Variants in F13A1 observed in about 807,000 individuals in gnomAD.
F13A1 encodes coagulation factor XIII A chain, also known as FSF, A subunit.
Under a neutral mutation model 80.1 loss-of-function variants are expected in F13A1, and 47 were observed. The observed-to-expected ratio is 0.59, with a 90% CI of 0.46 to 0.75. F13A1 has a LOEUF of 0.75. F13A1 is among the 30% of genes least tolerant of loss of function. F13A1 has a pLI of 0.00. For missense variants in F13A1, 817 were observed against 930.4 expected (o/e 0.88, Z 1.59); for synonymous variants, 349 against 344.9 (o/e 1.01, Z -0.13).
chr6:6,282,653 G>A (rs1392625034), intron 3 of F13A1, among the ~76,000 whole-genome samples: 1 of 152,214 alleles, frequency 6.6e-6, no homozygotes, highest in East Asian at 1.9e-4. Context: ...GCTGCTGGGA[G>A]TGATGACAGA....
intron 6 of F13A1, among the ~76,000 whole-genome samples, chr6:6,231,434 A>AT (rs1484603891): frequency 1.3e-5 from 2 of 152,106 alleles, no homozygotes; most frequent in Non-Finnish European, 2.9e-5. Flanking sequence ...ATTATGTTAA[A>AT]TGACCAAAGC....
chr6:6,171,353 T>C (rs1368920562), intron 12 of F13A1, among the ~76,000 whole-genome samples: 1 of 152,202 alleles, frequency 6.6e-6, no homozygotes, highest in Admixed American at 6.5e-5. Flanking sequence ...TCCCCAAATG[T>C]AAACATGTTG....
In F13A1 at chr6:6,167,580, T is replaced by C. The variant is rs1195989968; in HGVS notation, c.1786A>G (p.Met596Val). ...EAVLIQAGEY[M>V]GQLLEQASLH... ...GACGCTTGTTCCAGCAGCTGACCCA[T>C]GTACTCGCCGGCTTGGATCAGCACC... is the stretch of plus-strand genomic sequence containing the variant. Residue 596 changes from methionine (M) to valine (V), a missense_variant, in exon 13 of 15, where the codon ATG (methionine) becomes GTG (valine). Coordinates refer to ENST00000264870, the MANE Select transcript of F13A1 (RefSeq NM_000129.4). The C allele has an allele frequency of 1.9e-6, 3 of 1,613,790 alleles. No individual in the cohort carries two copies. Among genetic ancestry groups the C allele is most frequent in the African/African-American group, 1.3e-5 (1 of 74,840 alleles).
intron 10 of F13A1, among the ~76,000 whole-genome samples, chr6:6,192,824 G>A (rs1486446307): frequency 6.6e-6 from 1 of 152,184 alleles, no homozygotes; most frequent in Non-Finnish European, 1.5e-5. Context: ...GTGTGTGTAT[G>A]TGAGTGAGTT....
At chr6:6,168,732 AT>A (rs1207434354) in intron 12 of F13A1, among the ~76,000 whole-genome samples, 4 of 152,224 alleles carry the variant, frequency 2.6e-5, no homozygotes, top group Admixed American at 2.0e-4. Context: ...AGGGTAATTC[AT>A]TTTAGCCTGC....
chr6:6,173,121 G>C (rs901945236), intron 12 of F13A1, among the ~76,000 whole-genome samples: 5 of 152,168 alleles, frequency 3.3e-5, no homozygotes, highest in African/African-American at 1.2e-4. Flanking sequence ...CTAGAGACCA[G>C]TTTCTTCCAA....
intron 3 of F13A1, 130 bp downstream of exon 3, chr6:6,305,221 G>C: frequency 9.8e-7 from 1 of 1,018,072 alleles, no homozygotes; most frequent in Non-Finnish European, 1.5e-6. Context: ...TAATTCAGGG[G>C]CTGGATGTCA....
At chr6:6,181,802 CAAAGA>C (rs1760990446) in intron 11 of F13A1, among the ~76,000 whole-genome samples, 181 bp downstream of exon 11, 1 of 152,128 alleles carries the variant, frequency 6.6e-6, no homozygotes, top group South Asian at 2.1e-4. Context: ...AGCAAGCTAG[CAAAGA>C]AAACTACAAT....
intron 3 of F13A1, among the ~76,000 whole-genome samples, chr6:6,267,025 A>C (rs958150122): frequency 2.0e-5 from 3 of 152,230 alleles, no homozygotes; most frequent in South Asian, 2.1e-4. Flanking sequence ...TTTTCTATAA[A>C]GCATGTAGAG....
intron 8 of F13A1, among the ~76,000 whole-genome samples, chr6:6,219,089 A>G (rs569305986): frequency 6.6e-6 from 1 of 152,160 alleles, no homozygotes; most frequent in African/African-American, 2.4e-5. Flanking sequence ...TTACTTGGAG[A>G]GGAGAGGGGC....
At chr6:6,266,866 C>A in intron 3 of F13A1, 57 bp from the exon 4 acceptor site, 2 of 1,611,664 alleles carry the variant, frequency 1.2e-6, no homozygotes, top group Non-Finnish European at 1.7e-6. Flanking sequence ...CATTTTTGTT[C>A]TCACTCTGTT....
At chr6:6,319,192 G>A (rs755019397) in intron 1 of F13A1, among the ~76,000 whole-genome samples, 8 of 152,304 alleles carry the variant, frequency 5.3e-5, no homozygotes, top group Non-Finnish European at 1.0e-4. Flanking sequence ...GAGGGCCTAT[G>A]ACATGCCAGG....
chr6:6,205,647 G>T (rs1761473592), intron 8 of F13A1, among the ~76,000 whole-genome samples: 1 of 152,082 alleles, frequency 6.6e-6, no homozygotes, highest in Non-Finnish European at 1.5e-5. Flanking sequence ...AAAATTAGGG[G>T]CTGATTATCC....
intron 9 of F13A1, among the ~76,000 whole-genome samples, chr6:6,196,538 T>C (rs1583066529): frequency 1.3e-5 from 2 of 152,224 alleles, no homozygotes; most frequent in Non-Finnish European, 2.9e-5. Context: ...ATAATATGGT[T>C]TCAGTATGAA....
At chr6:6,219,363 C>T (rs1461430059) in intron 8 of F13A1, among the ~76,000 whole-genome samples, 1 of 151,944 alleles carries the variant, frequency 6.6e-6, no homozygotes, top group Non-Finnish European at 1.5e-5. Flanking sequence ...GCCCTATGCT[C>T]AGGCAGCCCC....
At chr6:6,268,848 C>T (rs1182295360) in intron 3 of F13A1, among the ~76,000 whole-genome samples, 1 of 152,022 alleles carries the variant, frequency 6.6e-6, no homozygotes, top group Non-Finnish European at 1.5e-5. Flanking sequence ...ACCACCATGC[C>T]TGGCTAACTT....
At position 6,210,621 on chromosome 6, in the gene F13A1, C is replaced by T. The variant is rs137973313; in HGVS notation, c.1112+11412G>A. On this transcript the variant is annotated intron_variant, in intron 8 of 14. Transcript: ENST00000264870. ...GTGTTAGCCAGGATGGTCTTGATCTCCTGACCTTGTGATCCACCTGCCTCA... is the reference window on the plus strand; with the variant it reads ...GTGTTAGCCAGGATGGTCTTGATCTTCTGACCTTGTGATCCACCTGCCTCA... Among the ~76,000 whole-genome samples the T allele has an allele frequency of 2.4e-3, 363 of 151,950 alleles. 1 individual carries two copies. Among genetic ancestry groups the T allele is most frequent in the African/African-American group, 8.1e-3 (334 of 41,394 alleles).
intron 6 of F13A1, among the ~76,000 whole-genome samples, chr6:6,230,140 G>A (rs1757330087): frequency 6.6e-6 from 1 of 152,188 alleles, no homozygotes; most frequent in African/African-American, 2.4e-5. Context: ...AGACTCCACA[G>A]GTGTGGAAGA....
At chr6:6,201,369 G>A (rs988234887) in intron 8 of F13A1, among the ~76,000 whole-genome samples, 4 of 152,168 alleles carry the variant, frequency 2.6e-5, no homozygotes, top group Non-Finnish European at 5.9e-5. Flanking sequence ...TTCATAACAG[G>A]GTCAGGAACT....
Sources: gnomAD v4.1 joint callset for allele counts (sites outside exome capture counted in the v4.1 genomes callset) on GRCh38, gnomAD v4.1.1 for gene constraint, MANE v1.5 for transcripts, NCBI Gene and HGNC (gene_info 2026-07-23, HGNC 2026-07-21) for gene names.